PRDM16: variants seen among roughly 807,000 people sequenced by gnomAD.
The protein encoded by PRDM16 is histone-lysine N-methyltransferase PRDM16.
Under a neutral mutation model 110.6 loss-of-function variants are expected in PRDM16, and 23 were observed. That is an observed-to-expected ratio of 0.21 (90% confidence interval 0.15 to 0.29). The LOEUF is 0.29. Ranked by LOEUF, PRDM16 falls within the 10% of genes least tolerant of loss-of-function variation. The probability of loss-of-function intolerance (pLI) is 1.00; values close to 1 mark genes in which losing one functional copy is unlikely to be tolerated. For missense variants in PRDM16, 1,615 were observed against 1,794.3 expected, an observed-to-expected ratio of 0.90 and a Z score of 1.81; for synonymous variants, 799 against 781.8, an observed-to-expected ratio of 1.02 and a Z score of -0.37.
At chr1:3,334,314 ACAGGTCCCAC>A (rs1642101903) in intron 3 of PRDM16, among the ~76,000 whole-genome samples, 1 of 152,144 alleles carries the variant, frequency 6.6e-6, no homozygotes, top group African/African-American at 2.4e-5. Flanking sequence ...AGGGGTTGCC[ACAGGTCCCAC>A]CACGTCAGGG....
Position 3,157,106 on chromosome 1 carries a change from G to A in PRDM16, c.38-29019G>A, listed in dbSNP as rs371616669. On this transcript the variant is annotated intron_variant, in intron 1 of 16. Coordinates refer to ENST00000270722, the MANE Select transcript of PRDM16 (RefSeq NM_022114.4). The surrounding 1 kb of genome is among the most constrained non-coding windows in gnomAD (Gnocchi z 4.8). ...TGGCTGCCCAGTCGCCCAGATGGTG[G>A]TCCCAGGGCAGGGAGTGTTAGCACC... Among the ~76,000 whole-genome samples, 7 of 152,334 alleles carry A rather than the reference G, an allele frequency of 4.6e-5. No homozygotes were observed. In the East Asian group the frequency reaches 5.8e-4, roughly 13 times the overall value.
chr1:3,317,452 C>T (rs771575099), intron 3 of PRDM16, among the ~76,000 whole-genome samples: 12 of 152,228 alleles, frequency 7.9e-5, no homozygotes, highest in Non-Finnish European at 1.3e-4. Flanking sequence ...GCGGGCGTGC[C>T]GTCAGGGTCC....
At chr1:3,305,445 C>G (rs115826637) in intron 3 of PRDM16, among the ~76,000 whole-genome samples, 117 of 152,334 alleles carry the variant, frequency 7.7e-4, no homozygotes, top group Middle Eastern at 3.4e-3. Context: ...AGGGCCCGAT[C>G]CATGGTTACT....
chr1:3,225,884 C>T (rs1030832900), intron 2 of PRDM16, among the ~76,000 whole-genome samples: 1 of 152,196 alleles, frequency 6.6e-6, no homozygotes, highest in Non-Finnish European at 1.5e-5. Flanking sequence ...CAGGCAAAGC[C>T]GGTGGCATGC....
Position 3,433,793 on chromosome 1 carries a change from C to T in PRDM16, c.3813C>T (p.His1271=), listed in dbSNP as rs762656688. 29 of 1,613,542 alleles carry T rather than the reference C, an allele frequency of 1.8e-5. No individual in the cohort carries two copies. Among genetic ancestry groups the T allele is most frequent in the Non-Finnish European group, 2.4e-5 (28 of 1,179,902 alleles). The change falls in exon 17 of 17, where the codon CAC becomes CAT. Residue 1271 remains histidine (H), a synonymous_variant. Transcript: ENST00000270722. ...TGATSESGAF[H]PINHL is the part of the protein sequence containing the mutation. ...CCACGTCGGAGTCTGGAGCATTTCACCCCATCAACCACCTCTGACGGGCTG... is the reference window on the plus strand; with the variant it reads ...CCACGTCGGAGTCTGGAGCATTTCATCCCATCAACCACCTCTGACGGGCTG...
intron 1 of PRDM16, among the ~76,000 whole-genome samples, chr1:3,171,976 G>C (rs1167880766): frequency 6.6e-6 from 1 of 152,146 alleles, no homozygotes; most frequent in Non-Finnish European, 1.5e-5. Context: ...AGTAGAACGG[G>C]GTCCCCGGTG....
chr1:3,101,368 A>G (rs1437024083), intron 1 of PRDM16, among the ~76,000 whole-genome samples: 2 of 152,222 alleles, frequency 1.3e-5, no homozygotes, highest in Non-Finnish European at 2.9e-5. Context: ...GCCAGGGGAT[A>G]AATCTTCGCG....
Position 3,102,621 on chromosome 1 carries a change from C to T in PRDM16, c.37+33325C>T, listed in dbSNP as rs190642851. 9.2e-5 allele frequency among the ~76,000 whole-genome samples: 14 copies of T among 152,298 alleles called. No individual in the cohort carries two copies. In the East Asian group the frequency reaches 2.3e-3, roughly 25 times the overall value. On this transcript the variant is annotated intron_variant, in intron 1 of 16. Transcript: ENST00000270722. Reference sequence around the variant, plus strand: ...CTGCACTGTGCATGGAGTTTGCCCTCGGAGACAGGCTTTAATATGCTTTTA... The same window carrying T: ...CTGCACTGTGCATGGAGTTTGCCCTTGGAGACAGGCTTTAATATGCTTTTA...
At chr1:3,376,968 G>C (rs577881040) in intron 3 of PRDM16, among the ~76,000 whole-genome samples, 58 of 152,314 alleles carry the variant, frequency 3.8e-4, no homozygotes, top group African/African-American at 1.3e-3. Flanking sequence ...TGTTCACACC[G>C]GACCGAGGTG....
At chr1:3,300,754 C>A (rs7513462) in intron 3 of PRDM16, among the ~76,000 whole-genome samples, 11,344 of 152,174 alleles carry the variant, frequency 0.075, 1,403 homozygotes, top group African/African-American at 0.25. Flanking sequence ...TCCCCCCGAA[C>A]CCCATTTATG....
intron 3 of PRDM16, among the ~76,000 whole-genome samples, chr1:3,248,016 C>A (rs1639831971): frequency 6.6e-6 from 1 of 152,196 alleles, no homozygotes; most frequent in Non-Finnish European, 1.5e-5. Context: ...CCCGCCGGAG[C>A]CGGTAATAAA....
rs1368690759 is a variant in PRDM16 at position 3,437,746 on chromosome 1, T to A, written c.*3935T>A. The A allele has an allele frequency of 4.5e-6, 1 of 219,844 alleles. No homozygotes were observed. The highest frequency in any genetic ancestry group is 9.1e-6 in the Non-Finnish European group (1 of 109,652). The allele number at this position is 219,844 out of a possible 1,614,324, so 13.6% of individuals were successfully genotyped here. ...TGTCACTGATCCGTATTACCACTTT[T>A]GGAAAAAAATAAATAAATAAATAAA... On this transcript the variant is annotated 3_prime_UTR_variant, in exon 17 of 17. Transcript: ENST00000270722.
chr1:3,378,960 G>A (rs1643043499), intron 3 of PRDM16, among the ~76,000 whole-genome samples: 1 of 151,952 alleles, frequency 6.6e-6, no homozygotes, highest in African/African-American at 2.4e-5. Flanking sequence ...GACCCTCCAT[G>A]CTGGGACAGG....
At chr1:3,432,179 C>T in intron 16 of PRDM16, 39 bp downstream of exon 16, 2 of 1,581,666 alleles carry the variant, frequency 1.3e-6, no homozygotes, top group Non-Finnish European at 1.7e-6. Context: ...CCCCACCTGG[C>T]CTCCTCAGCC....
At chr1:3,377,411 A>T (rs549323442) in intron 3 of PRDM16, among the ~76,000 whole-genome samples, 1 of 152,362 alleles carries the variant, frequency 6.6e-6, no homozygotes, top group African/African-American at 2.4e-5. Flanking sequence ...CTGAACCTGG[A>T]GGACCAGCCC....
intron 3 of PRDM16, among the ~76,000 whole-genome samples, chr1:3,351,815 C>A (rs965953326): frequency 1.4e-5 from 2 of 145,258 alleles, no homozygotes; most frequent in Non-Finnish European, 3.0e-5. Context: ...CCTCCTCTTG[C>A]AGTCTCCAGC....
At chr1:3,126,988 C>T (rs980737053) in intron 1 of PRDM16, among the ~76,000 whole-genome samples, 2 of 152,204 alleles carry the variant, frequency 1.3e-5, no homozygotes, top group South Asian at 2.1e-4. Context: ...CCATCGGCCC[C>T]GGACACAATT....
At chr1:3,176,080 C>T (rs1473106066) in intron 1 of PRDM16, among the ~76,000 whole-genome samples, 14 of 152,316 alleles carry the variant, frequency 9.2e-5, no homozygotes, top group African/African-American at 2.9e-4. Flanking sequence ...TCCATCCATC[C>T]ATCCACCCAT....
At chr1:3,276,241 C>T (rs1245095054) in intron 3 of PRDM16, among the ~76,000 whole-genome samples, 1 of 152,250 alleles carries the variant, frequency 6.6e-6, no homozygotes, top group East Asian at 1.9e-4. Context: ...TCTGATTCAT[C>T]CTGCCCTGGG....
Sources: gnomAD v4.1 joint callset for allele counts (sites outside exome capture counted in the v4.1 genomes callset) on GRCh38, gnomAD v4.1.1 for gene constraint, Gnocchi (gnomAD v3.1) non-coding constraint, MANE v1.5 for transcripts, NCBI Gene and HGNC (gene_info 2026-07-23, HGNC 2026-07-21) for gene names.